Variants in RANBP2 observed in about 807,000 individuals in gnomAD.
RANBP2 encodes the protein RAN binding protein 2, also known as E3 SUMO-protein ligase RanBP2.
In RANBP2, 57 loss-of-function variants were observed where a neutral mutation model predicts 303.6. That is an observed-to-expected ratio of 0.19 (90% CI 0.15 to 0.23). The LOEUF (loss-of-function observed/expected upper bound fraction) is 0.23, where lower values mean the gene tolerates loss of function less well. Ranked by LOEUF, RANBP2 falls within the 10% of genes least tolerant of loss-of-function variation. RANBP2 has a pLI of 1.00. For missense variants in RANBP2, 3,138 were observed against 3,780.8 expected, an observed-to-expected ratio of 0.83 and a Z score of 4.46; for synonymous variants, 1,167 against 1,301.5, an observed-to-expected ratio of 0.90 and a Z score of 2.23.
the RANBP2 span, among the ~76,000 whole-genome samples, chr2:109,166,333 C>A: frequency 6.6e-6 from 1 of 151,636 alleles, no homozygotes; most frequent in South Asian, 2.1e-4. Context: ...AAAAATTAGC[C>A]GAGTGTGGTG....
the RANBP2 span, among the ~76,000 whole-genome samples, chr2:109,029,447 C>G: frequency 1.3e-5 from 2 of 152,208 alleles, no homozygotes; most frequent in East Asian, 3.9e-4. Flanking sequence ...GTGGCTGACA[C>G]TGATGCCTGA....
chr2:109,648,766 G>A, the RANBP2 span, among the ~76,000 whole-genome samples: 2 of 151,188 alleles, frequency 1.3e-5, no homozygotes, highest in South Asian at 2.1e-4. Flanking sequence ...CAATTCTCCT[G>A]CCTCAGCCTC....
At chr2:109,342,159 G>C in the RANBP2 span, among the ~76,000 whole-genome samples, 1,319 of 152,342 alleles carry the variant, frequency 8.7e-3, 13 homozygotes, top group East Asian at 0.043. Flanking sequence ...CATGGGCTGA[G>C]CCCCTGGCTG....
At chr2:109,255,767 C>T in the RANBP2 span, among the ~76,000 whole-genome samples, 4 of 152,350 alleles carry the variant, frequency 2.6e-5, no homozygotes, top group African/African-American at 9.6e-5. Context: ...TGAATCTCAG[C>T]TTCCTGATTT....
chr2:109,291,207 G>A, the RANBP2 span, among the ~76,000 whole-genome samples: 2 of 152,020 alleles, frequency 1.3e-5, no homozygotes, highest in African/African-American at 2.4e-5. Flanking sequence ...TGAAAATGCT[G>A]TCAGGATATT....
the RANBP2 span, among the ~76,000 whole-genome samples, chr2:109,291,681 G>T: frequency 6.6e-6 from 1 of 152,154 alleles, no homozygotes; most frequent in Admixed American, 6.5e-5. Context: ...AGATCCTCTG[G>T]CCTTAAGTCG....
At chr2:109,526,563 T>C in the RANBP2 span, among the ~76,000 whole-genome samples, 1 of 152,114 alleles carries the variant, frequency 6.6e-6, no homozygotes, top group African/African-American at 2.4e-5. Context: ...CCACCTGCCT[T>C]GGTCTCCCAA....
the RANBP2 span, chr2:108,906,236 CAG>C: frequency 1.3e-6 from 2 of 1,538,176 alleles, no homozygotes; most frequent in Non-Finnish European, 1.8e-6. Flanking sequence ...ACAGGAGCCT[CAG>C]GGCTCCGGGC....
chr2:108,773,114 T>C (rs1677625564), intron 23 of RANBP2, 68 bp downstream of exon 23: 2 of 1,458,116 alleles, frequency 1.4e-6, no homozygotes, highest in African/African-American at 2.8e-5. Flanking sequence ...AACTTTAGAA[T>C]GTTCTTATTT....
chr2:109,032,576 C>G, the RANBP2 span, among the ~76,000 whole-genome samples: 3 of 151,986 alleles, frequency 2.0e-5, no homozygotes, highest in African/African-American at 7.3e-5. Flanking sequence ...TGCGCTTTCT[C>G]CCCTCCCCAT....
At chr2:109,469,436 C>T in the RANBP2 span, among the ~76,000 whole-genome samples, 2 of 152,102 alleles carry the variant, frequency 1.3e-5, no homozygotes, top group Non-Finnish European at 2.9e-5. Flanking sequence ...GCTGCTCTGT[C>T]GAGGAAGGGT....
the RANBP2 span, among the ~76,000 whole-genome samples, chr2:109,375,884 G>A: frequency 6.6e-6 from 1 of 152,236 alleles, no homozygotes; most frequent in African/African-American, 2.4e-5. Flanking sequence ...AGGGCGATGC[G>A]GGCTTCAGAG....
chr2:109,663,157 C>T, the RANBP2 span, among the ~76,000 whole-genome samples: 1 of 152,208 alleles, frequency 6.6e-6, no homozygotes, highest in Non-Finnish European at 1.5e-5. Context: ...ACCTGAAATG[C>T]TCCCATTGAT....
At chr2:109,451,557 G>A in the RANBP2 span, among the ~76,000 whole-genome samples, 11 of 152,242 alleles carry the variant, frequency 7.2e-5, no homozygotes, top group Admixed American at 7.2e-4. Flanking sequence ...GAATCTACAC[G>A]GAGGATGATG....
At chr2:109,650,785 T>A in the RANBP2 span, among the ~76,000 whole-genome samples, 2 of 152,216 alleles carry the variant, frequency 1.3e-5, no homozygotes, top group African/African-American at 2.4e-5. Flanking sequence ...GCCTTTTGCC[T>A]TCTGCTATGA....
At chr2:109,059,021 A>G in the RANBP2 span, among the ~76,000 whole-genome samples, 1 of 152,126 alleles carries the variant, frequency 6.6e-6, no homozygotes, top group African/African-American at 2.4e-5. Flanking sequence ...CATAGTGGCC[A>G]TGGAGAGAAG....
chr2:109,046,327 C>G, the RANBP2 span, among the ~76,000 whole-genome samples: 1 of 147,974 alleles, frequency 6.8e-6, no homozygotes, highest in African/African-American at 2.5e-5. Flanking sequence ...GAAAAAAAAT[C>G]TGAAAGGATT....
At chr2:109,688,781 TAAAAAAAAAAA>T in the RANBP2 span, among the ~76,000 whole-genome samples, 1 of 43,726 alleles carries the variant, frequency 2.3e-5, no homozygotes. Flanking sequence ...TCTGTCTCAA[TAAAAAAAAAAA>T]AAAAAAAAAA....
the RANBP2 span, among the ~76,000 whole-genome samples, chr2:109,650,339 A>C: frequency 6.6e-6 from 1 of 152,214 alleles, no homozygotes; most frequent in African/African-American, 2.4e-5. Flanking sequence ...CTAGTCTCCC[A>C]AGGCAGAAAG....
Sources: allele counts gnomAD v4.1 joint callset (sites outside exome capture counted in the v4.1 genomes callset), GRCh38; gene constraint gnomAD v4.1.1; transcripts MANE v1.5; gene names NCBI Gene and HGNC (gene_info 2026-07-23, HGNC 2026-07-21).